The following NKAIN2 variants were observed in gnomAD, a reference collection of about 807,000 sequenced individuals.
NKAIN2 encodes the protein sodium/potassium transporting ATPase interacting 2.
In NKAIN2, 14 loss-of-function variants were observed where a neutral mutation model predicts 32.6. The observed-to-expected ratio is 0.43, with a 90% CI of 0.28 to 0.67. The LOEUF (loss-of-function observed/expected upper bound fraction) is 0.67. Ranked by LOEUF, NKAIN2 falls within the 30% of genes least tolerant of loss-of-function variation. NKAIN2 has a pLI of 0.17. For synonymous variants in NKAIN2, 80 were observed against 87.2 expected (o/e 0.92, Z 0.46); for missense variants, 198 against 258.3 (o/e 0.77, Z 1.60).
chr6:124,221,090 TAA>T (rs1361440994), intron 1 of NKAIN2, among the ~76,000 whole-genome samples: 6 of 152,014 alleles, frequency 3.9e-5, no homozygotes. Context: ...CATGCTGCTA[TAA>T]AGACACATGC....
intron 1 of NKAIN2, among the ~76,000 whole-genome samples, chr6:124,178,874 A>ATT (rs1427169113): frequency 4.6e-5 from 7 of 152,214 alleles, no homozygotes; most frequent in African/African-American, 1.4e-4. Context: ...GAATAGAAAC[A>ATT]GTGAATTCAG....
intron 3 of NKAIN2, among the ~76,000 whole-genome samples, chr6:124,512,949 A>G (rs1432304635): frequency 2.0e-5 from 3 of 152,174 alleles, no homozygotes; most frequent in African/African-American, 7.2e-5. Flanking sequence ...CAAAATAGAA[A>G]GAAAGAAATT....
At chr6:124,061,908 G>C (rs1408006298) in intron 1 of NKAIN2, among the ~76,000 whole-genome samples, 1 of 152,064 alleles carries the variant, frequency 6.6e-6, no homozygotes, top group African/African-American at 2.4e-5. Context: ...TCATTCTTAA[G>C]ATGAGCAAAG....
chr6:124,518,292 T>TAAAA (rs59600600), intron 3 of NKAIN2, among the ~76,000 whole-genome samples: 19 of 140,282 alleles, frequency 1.4e-4, no homozygotes, highest in African/African-American at 5.1e-4. Context: ...TGATTCTAGT[T>TAAAA]AAAAAAAAAA....
intron 1 of NKAIN2, among the ~76,000 whole-genome samples, chr6:123,916,880 C>A (rs1245933327): frequency 6.6e-6 from 1 of 151,994 alleles, no homozygotes; most frequent in Non-Finnish European, 1.5e-5. Context: ...TACCTACCTA[C>A]CTACCTCTCT....
intron 1 of NKAIN2, among the ~76,000 whole-genome samples, chr6:123,871,312 CA>C (rs774872108): frequency 2.4e-4 from 37 of 152,200 alleles, no homozygotes; most frequent in Middle Eastern, 3.4e-3. Flanking sequence ...ACTTCATCCC[CA>C]AAATTCTCCC....
At chr6:124,416,065 A>G (rs895368792) in intron 3 of NKAIN2, among the ~76,000 whole-genome samples, 2 of 151,610 alleles carry the variant, frequency 1.3e-5, no homozygotes, top group African/African-American at 4.8e-5. Flanking sequence ...ATAGACAACA[A>G]TTTTTTCTAT....
intron 1 of NKAIN2, among the ~76,000 whole-genome samples, chr6:123,996,893 G>T (rs1779640425): frequency 6.6e-6 from 1 of 152,104 alleles, no homozygotes. Context: ...ATGGTAAAAT[G>T]CAATTGAACA....
At chr6:124,553,736 C>A (rs899241983) in intron 3 of NKAIN2, among the ~76,000 whole-genome samples, 1 of 152,152 alleles carries the variant, frequency 6.6e-6, no homozygotes. Flanking sequence ...CATACAGCAG[C>A]GTTTAATTGA....
intron 1 of NKAIN2, among the ~76,000 whole-genome samples, chr6:124,007,869 G>C (rs1780144135): frequency 6.6e-6 from 1 of 152,136 alleles, no homozygotes; most frequent in African/African-American, 2.4e-5. Flanking sequence ...ATTTCACTGA[G>C]CCACACTCTA....
chr6:124,533,531 G>A (rs1175089536), intron 3 of NKAIN2, among the ~76,000 whole-genome samples: 1 of 149,656 alleles, frequency 6.7e-6, no homozygotes. Flanking sequence ...CAGGGGAGAT[G>A]ACGGGCAGGA....
chr6:124,152,961 T>G (rs977528275), intron 1 of NKAIN2, among the ~76,000 whole-genome samples: 25 of 151,944 alleles, frequency 1.6e-4, no homozygotes, highest in African/African-American at 5.8e-4. Context: ...AGTACATCTC[T>G]TGCAGTTAGC....
intron 3 of NKAIN2, among the ~76,000 whole-genome samples, chr6:124,474,043 A>G (rs1341281946): frequency 2.0e-5 from 3 of 152,122 alleles, no homozygotes; most frequent in African/African-American, 7.2e-5. Flanking sequence ...ATACAGTTGC[A>G]TATCAGTGGA....
intron 2 of NKAIN2, among the ~76,000 whole-genome samples, chr6:124,318,656 A>G (rs1249487158): frequency 2.0e-5 from 3 of 152,040 alleles, no homozygotes; most frequent in Non-Finnish European, 4.4e-5. Flanking sequence ...GAGAATCTGA[A>G]TACCCCATGA....
At chr6:124,489,276 A>G (rs192968125) in intron 3 of NKAIN2, among the ~76,000 whole-genome samples, 1 of 152,030 alleles carries the variant, frequency 6.6e-6, no homozygotes, top group African/African-American at 2.4e-5. Context: ...GGAAATGAGA[A>G]GTCATGAAAC....
intron 3 of NKAIN2, among the ~76,000 whole-genome samples, chr6:124,642,952 C>T (rs1784044361): frequency 6.6e-6 from 1 of 152,078 alleles, no homozygotes; most frequent in South Asian, 2.1e-4. Context: ...CCTTGTAGAA[C>T]TCAGGAGAGT....
At chr6:124,798,487 AG>A (rs1434540440) in intron 5 of NKAIN2, among the ~76,000 whole-genome samples, 2 of 152,124 alleles carry the variant, frequency 1.3e-5, no homozygotes, top group East Asian at 3.9e-4. Flanking sequence ...ATCTCTGAAC[AG>A]GATCACAAAG....
chr6:124,598,083 T>A (rs1713147770), intron 3 of NKAIN2, among the ~76,000 whole-genome samples: 1 of 152,168 alleles, frequency 6.6e-6, no homozygotes, highest in South Asian at 2.1e-4. Flanking sequence ...AAGCATAAGT[T>A]CATTTCAAGA....
chr6:123,973,697 G>A (rs1778434160), intron 1 of NKAIN2, among the ~76,000 whole-genome samples: 1 of 151,966 alleles, frequency 6.6e-6, no homozygotes, highest in African/African-American at 2.4e-5. Flanking sequence ...GAAAGTAATG[G>A]CAAAAACTGC....
Sources: allele counts gnomAD v4.1 joint callset (sites outside exome capture counted in the v4.1 genomes callset), GRCh38; gene constraint gnomAD v4.1.1; transcripts MANE v1.5; gene names NCBI Gene and HGNC (gene_info 2026-07-23, HGNC 2026-07-21).